The following KCND2 variants were observed in gnomAD, a reference collection of about 807,000 sequenced individuals.
KCND2 encodes the protein potassium voltage-gated channel subfamily D member 2.
Under a neutral mutation model 54.4 loss-of-function variants are expected in KCND2, and 16 were observed. That is an observed-to-expected ratio of 0.29 (90% CI 0.20 to 0.45). KCND2 has a LOEUF of 0.45. Among genes scored for constraint, KCND2 ranks in the 20% least tolerant of loss-of-function variants. KCND2 has a pLI of 1.00. For missense variants in KCND2, 486 were observed against 824.2 expected (o/e 0.59, Z 5.02); for synonymous variants, 317 against 310.7 (o/e 1.02, Z -0.21).
chr7:120,487,213 A>G (rs1802707246), intron 1 of KCND2, among the ~76,000 whole-genome samples: 1 of 152,178 alleles, frequency 6.6e-6, no homozygotes, highest in South Asian at 2.1e-4. Context: ...AGAAAAAAAT[A>G]ATGTTCTTTA....
At chr7:120,616,057 T>C (rs1337903789) in intron 1 of KCND2, among the ~76,000 whole-genome samples, 1 of 152,102 alleles carries the variant, frequency 6.6e-6, no homozygotes, top group Non-Finnish European at 1.5e-5. Flanking sequence ...TATAACACAG[T>C]GCAGGTCATG....
intron 1 of KCND2, among the ~76,000 whole-genome samples, chr7:120,685,366 A>G (rs1792187327): frequency 6.6e-6 from 1 of 152,176 alleles, no homozygotes; most frequent in African/African-American, 2.4e-5. Flanking sequence ...GAGGGCTAAC[A>G]TATACACCAG....
At chr7:120,485,584 T>C (rs140637282) in intron 1 of KCND2, among the ~76,000 whole-genome samples, 2 of 152,330 alleles carry the variant, frequency 1.3e-5, no homozygotes, top group African/African-American at 4.8e-5. Context: ...GAATTGCCTA[T>C]GGACAAAAAC....
chr7:120,586,451 A>G (rs1027851383), intron 1 of KCND2, among the ~76,000 whole-genome samples: 5 of 152,196 alleles, frequency 3.3e-5, no homozygotes, highest in African/African-American at 9.6e-5. Flanking sequence ...CTTGTAAGAT[A>G]AGGTTAACAT....
At chr7:120,322,920 T>G (rs562623098) in intron 1 of KCND2, among the ~76,000 whole-genome samples, 28 of 152,290 alleles carry the variant, frequency 1.8e-4, no homozygotes, top group Admixed American at 6.5e-4. Flanking sequence ...AATGAATGCT[T>G]TAATTATAAT....
intron 1 of KCND2, among the ~76,000 whole-genome samples, chr7:120,337,202 C>T (rs1800164074): frequency 6.6e-6 from 1 of 151,966 alleles, no homozygotes; most frequent in African/African-American, 2.4e-5. Context: ...TTGTTTTTCA[C>T]CACCTAGAAA....
At chr7:120,669,866 C>T (rs1308319511) in intron 1 of KCND2, among the ~76,000 whole-genome samples, 1 of 151,962 alleles carries the variant, frequency 6.6e-6, no homozygotes, top group African/African-American at 2.4e-5. Flanking sequence ...ATAGCAAAAA[C>T]AGTAATAATA....
intron 1 of KCND2, among the ~76,000 whole-genome samples, chr7:120,506,770 T>C (rs1450570410): frequency 6.6e-6 from 1 of 151,890 alleles, no homozygotes; most frequent in East Asian, 1.9e-4. Flanking sequence ...GATAACACTT[T>C]GCAGAATTGA....
At chr7:120,480,111 G>A (rs981242151) in intron 1 of KCND2, among the ~76,000 whole-genome samples, 2 of 151,356 alleles carry the variant, frequency 1.3e-5, no homozygotes, top group Admixed American at 6.6e-5. Flanking sequence ...GTTTTTTTAT[G>A]GTATAGATAT....
At chr7:120,464,136 T>A in intron 1 of KCND2, 10 of 905,492 alleles carry the variant, frequency 1.1e-5, no homozygotes, top group Non-Finnish European at 1.3e-5. Flanking sequence ...TAGACTATAC[T>A]GCTATATCAA....
chr7:120,642,575 AAAATAT>A (rs1376727951), intron 1 of KCND2, among the ~76,000 whole-genome samples: 5 of 149,684 alleles, frequency 3.3e-5, no homozygotes, highest in African/African-American at 1.2e-4. Flanking sequence ...AAAATAAAAA[AAAATAT>A]ATATATATAT....
intron 1 of KCND2, among the ~76,000 whole-genome samples, chr7:120,394,561 A>C (rs1387065318): frequency 1.3e-5 from 2 of 151,964 alleles, no homozygotes; most frequent in Non-Finnish European, 2.9e-5. Flanking sequence ...CATAATCCTA[A>C]TCTTGTGGCC....
At chr7:120,303,544 A>G (rs923509187) in intron 1 of KCND2, among the ~76,000 whole-genome samples, 4 of 152,192 alleles carry the variant, frequency 2.6e-5, no homozygotes, top group African/African-American at 7.2e-5. Flanking sequence ...AAGTTAGTTT[A>G]TCCTCAATAT....
intron 1 of KCND2, among the ~76,000 whole-genome samples, chr7:120,652,267 A>G (rs1450754545): frequency 6.6e-6 from 1 of 151,984 alleles, no homozygotes; most frequent in East Asian, 1.9e-4. Context: ...GTAGAGATGG[A>G]GTTTCACCAT....
rs771647361 is a variant in KCND2, at chr7:120,274,704, G to C, written c.72G>C (p.Ser24=). Residue 24 remains serine (S), a synonymous_variant, in exon 1 of 6, where the codon TCG becomes TCC. Coordinates refer to ENST00000331113, the MANE Select transcript of KCND2 (RefSeq NM_012281.3). ...AAAIGWMPVA[S]GPMPAPPRQE... ...CTATCGGGTGGATGCCTGTGGCCTCGGGGCCTATGCCGGCTCCCCCGAGGC... is the reference window on the plus strand; with the variant it reads ...CTATCGGGTGGATGCCTGTGGCCTCCGGGCCTATGCCGGCTCCCCCGAGGC... The C allele has an allele frequency of 1.9e-6, 3 of 1,613,712 alleles. No individual in the cohort carries two copies. The highest frequency in any genetic ancestry group is 1.3e-5 in the African/African-American group (1 of 74,854).
intron 1 of KCND2, among the ~76,000 whole-genome samples, chr7:120,354,136 C>T (rs746408506): frequency 2.6e-5 from 4 of 151,938 alleles, no homozygotes; most frequent in Non-Finnish European, 5.9e-5. Flanking sequence ...TAATGCAATA[C>T]CATATTTTCT....
chr7:120,534,153 G>GCCC, intron 1 of KCND2, among the ~76,000 whole-genome samples: 1 of 152,130 alleles, frequency 6.6e-6, no homozygotes, highest in Admixed American at 6.6e-5. Context: ...TGTAGGCTGT[G>GCCC]CTTGGTGAAT....
At chr7:120,442,081 C>T (rs1801953093) in intron 1 of KCND2, among the ~76,000 whole-genome samples, 1 of 152,110 alleles carries the variant, frequency 6.6e-6, no homozygotes, top group African/African-American at 2.4e-5. Flanking sequence ...ACAACTCTTG[C>T]AGAGTCTACA....
At chr7:120,560,827 G>T (rs1417552756) in intron 1 of KCND2, among the ~76,000 whole-genome samples, 1 of 152,104 alleles carries the variant, frequency 6.6e-6, no homozygotes, top group Non-Finnish European at 1.5e-5. Flanking sequence ...AATGTTAAAA[G>T]ATTATCGAGA....
Sources: gnomAD v4.1 joint callset for allele counts (sites outside exome capture counted in the v4.1 genomes callset) on GRCh38, gnomAD v4.1.1 for gene constraint, MANE v1.5 for transcripts, NCBI Gene and HGNC (gene_info 2026-07-23, HGNC 2026-07-21) for gene names.